The following HNRNPR variants were observed in gnomAD, a reference collection of about 807,000 sequenced individuals.
The protein encoded by HNRNPR is heterogeneous nuclear ribonucleoprotein R.
Under a neutral mutation model 70.3 loss-of-function variants are expected in HNRNPR, and 4 were observed. The ratio of observed to expected loss-of-function variants is 0.06; its 90% CI spans 0.03 to 0.13. HNRNPR has a LOEUF of 0.13. Among genes scored for constraint, HNRNPR ranks in the 10% least tolerant of loss-of-function variants. The probability of loss-of-function intolerance (pLI) is 1.00; values close to 1 mark genes in which losing one functional copy is unlikely to be tolerated. For synonymous variants in HNRNPR, 241 were observed against 267.6 expected, an observed-to-expected ratio of 0.90 and a Z score of 0.97; for missense variants, 423 against 788.5, an observed-to-expected ratio of 0.54 and a Z score of 5.55.
In HNRNPR at chr1:23,313,629, A is replaced by G; in HGVS notation, c.1091T>C (p.Phe364Ser). 1 of 1,604,320 alleles carries G rather than the reference A, an allele frequency of 6.2e-7. No homozygotes were observed. The highest frequency in any genetic ancestry group is 8.5e-7 in the Non-Finnish European group (1 of 1,177,464). Reference sequence around the variant, plus strand: ...CTTCTTTACTCTTTCGAGTTTTCCAAATTCAGAAAATGACTTTTCCAATAT... The same window carrying G: ...CTTCTTTACTCTTTCGAGTTTTCCAGATTCAGAAAATGACTTTTCCAATAT... ...EEILEKSFSE[F>S]GKLERVKKLK... The change falls in exon 9 of 11, where the codon TTT becomes TCT. Residue 364 changes from phenylalanine to serine, a missense_variant. This residue lies in a region of HNRNPR where 46 missense variants were observed against 164.6 expected (regional missense o/e 0.28). Transcript: ENST00000302271.
Position 23,310,144 on chromosome 1 carries a change from G to C in HNRNPR, c.*310C>G, listed in dbSNP as rs537885772. ...AAAATGAAACTGTCCAAAACCAAAGGTTCTGCAAAATCATGATTTAACAGT... is the reference window on the plus strand; with the variant it reads ...AAAATGAAACTGTCCAAAACCAAAGCTTCTGCAAAATCATGATTTAACAGT... On this transcript the variant is annotated 3_prime_UTR_variant, in exon 11 of 11. Coordinates refer to ENST00000302271, the MANE Select transcript of HNRNPR (RefSeq NM_005826.5). This position sits in a 1 kb window ranked among gnomAD's most constrained non-coding sequence, Gnocchi z 6.0. 1.9e-5 allele frequency: 4 copies of C among 215,776 alleles called. No individual in the cohort carries two copies. Among genetic ancestry groups the C allele is most frequent in the South Asian group, 1.4e-4 (1 of 7,242 alleles). 13.4% of individuals were successfully genotyped at this position (215,776 alleles called of 1,614,324 possible). A position where few individuals can be genotyped will look rare whatever the true frequency, so the allele number is the denominator to read the frequency against.
chr1:23,337,891 A>C, intron 3 of HNRNPR, 30 bp from the exon 4 acceptor site: 1 of 1,296,590 alleles, frequency 7.7e-7, no homozygotes, highest in Non-Finnish European at 1.1e-6. Context: ...CAATAAAAAG[A>C]ATCACCAAAA....
chr1:23,306,594 A>T lies in HNRNPR; in HGVS notation c.*3860T>A, dbSNP rs1204982607. On this transcript the variant is annotated 3_prime_UTR_variant, in exon 11 of 11. Coordinates refer to ENST00000302271, the MANE Select transcript of HNRNPR (RefSeq NM_005826.5). ...ACATCTGAAAATGATTAAAAAAACA[A>T]AAAAACAAAACAAAACAAAACAAAA... The T allele has an allele frequency of 6.6e-6, 1 of 152,052 alleles. No homozygotes were observed. The highest frequency in any genetic ancestry group is 1.9e-4 in the East Asian group (1 of 5,202). The allele number at this position is 152,052 out of a possible 1,614,324, so 9.4% of individuals were successfully genotyped here. A position where few individuals can be genotyped will look rare whatever the true frequency, so the allele number is the denominator to read the frequency against.
chr1:23,318,118 T>G lies in HNRNPR; in HGVS notation c.1017+365A>C, dbSNP rs1645621691. 6.6e-6 allele frequency among the ~76,000 whole-genome samples: 1 copy of G among 151,266 alleles called. No homozygotes were observed. Among genetic ancestry groups the G allele is most frequent in the Non-Finnish European group, 1.5e-5 (1 of 67,870 alleles). ...AAAGTCATAATATAGTCAATGAAGA[T>G]TATAACTTATAATCTCCAAAACATT... On this transcript the variant is annotated intron_variant, in intron 8 of 10. Coordinates refer to ENST00000302271, the MANE Select transcript of HNRNPR (RefSeq NM_005826.5). This position sits in a 1 kb window ranked among gnomAD's most constrained non-coding sequence, Gnocchi z 4.2.
intron 1 of HNRNPR, among the ~76,000 whole-genome samples, chr1:23,343,059 CTT>C (rs1021479623): frequency 6.6e-6 from 1 of 152,102 alleles, no homozygotes; most frequent in South Asian, 2.1e-4. Context: ...TTTGAAAAGA[CTT>C]TTTATGTCAT....
chr1:23,325,747 G>T (rs1016408597), intron 5 of HNRNPR, among the ~76,000 whole-genome samples: 24 of 152,080 alleles, frequency 1.6e-4, no homozygotes, highest in Non-Finnish European at 3.4e-4. Flanking sequence ...ATTTTGCTCA[G>T]TACCATCCTT....
chr1:23,317,900 A>T (rs1645612244), intron 8 of HNRNPR, among the ~76,000 whole-genome samples: 1 of 151,914 alleles, frequency 6.6e-6, no homozygotes, highest in Non-Finnish European at 1.5e-5. Flanking sequence ...GAATCGCTTG[A>T]ACCTGGGAGG....
intron 6 of HNRNPR, 89 bp downstream of exon 6, chr1:23,323,467 T>C: frequency 8.1e-7 from 1 of 1,242,006 alleles, no homozygotes; most frequent in East Asian, 2.3e-5. Context: ...ACTGAAGAAA[T>C]CAAAATAATG....
intron 8 of HNRNPR, among the ~76,000 whole-genome samples, chr1:23,315,767 GCTAT>G (rs751572548): frequency 1.3e-5 from 2 of 151,966 alleles, no homozygotes; most frequent in East Asian, 1.9e-4. Context: ...CAGATAAAGG[GCTAT>G]CTAATAAGAA....
intron 5 of HNRNPR, 104 bp from the exon 6 acceptor site, chr1:23,323,836 T>A (rs1645852353): frequency 1.2e-6 from 1 of 865,592 alleles, no homozygotes; most frequent in African/African-American, 1.7e-5. Context: ...AGAAGATGGT[T>A]AAGAAAGAAT....
chr1:23,310,011 C>G lies in HNRNPR; in HGVS notation c.*443G>C, dbSNP rs1645271179. The G allele has an allele frequency of 6.5e-6, 1 of 153,132 alleles. No homozygotes were observed. The highest frequency in any genetic ancestry group is 6.5e-5 in the Admixed American group (1 of 15,302). The allele number at this position is 153,132 out of a possible 1,614,324, so 9.5% of individuals were successfully genotyped here. A position where few individuals can be genotyped will look rare whatever the true frequency, so the allele number is the denominator to read the frequency against. ...ATAGGTTATTTTCAATACAAGAAAA[C>G]TTAAATTTGTTTGCTTTAATTTCTT... On this transcript the variant is annotated 3_prime_UTR_variant, in exon 11 of 11. Coordinates refer to ENST00000302271, the MANE Select transcript of HNRNPR (RefSeq NM_005826.5). This position sits in a 1 kb window ranked among gnomAD's most constrained non-coding sequence, Gnocchi z 6.0.
At chr1:23,334,972 C>T (rs1220731634) in intron 4 of HNRNPR, among the ~76,000 whole-genome samples, 1 of 151,890 alleles carries the variant, frequency 6.6e-6, no homozygotes, top group East Asian at 1.9e-4. Flanking sequence ...GGCTGGAGTG[C>T]AGTGGCGCGA....
chr1:23,342,626 TCTC>T (rs1432048841), intron 1 of HNRNPR, among the ~76,000 whole-genome samples: 4 of 152,210 alleles, frequency 2.6e-5, no homozygotes, highest in East Asian at 3.9e-4. Flanking sequence ...AAACACAAAA[TCTC>T]CTTGCGAACA....
At chr1:23,317,177 G>A (rs979812614) in intron 8 of HNRNPR, among the ~76,000 whole-genome samples, 6 of 152,100 alleles carry the variant, frequency 3.9e-5, no homozygotes, top group African/African-American at 1.4e-4. Flanking sequence ...GCAACTCTGA[G>A]GCCGGGCGCA....
intron 4 of HNRNPR, 100 bp downstream of exon 4, chr1:23,337,654 C>CAAAAAAA: frequency 3.2e-6 from 2 of 624,068 alleles, no homozygotes; most frequent in South Asian, 2.1e-5. Flanking sequence ...GACTCCGTCT[C>CAAAAAAA]AAAAAAAAAA....
intron 2 of HNRNPR, 69 bp from the exon 3 acceptor site, chr1:23,338,677 A>T (rs1314266479): frequency 1.5e-6 from 1 of 686,094 alleles, no homozygotes; most frequent in Non-Finnish European, 2.5e-6. Flanking sequence ...ACTGACGTTT[A>T]ATCAAGAATT....
At position 23,310,969 on chromosome 1, in the gene HNRNPR, C is replaced by T; in HGVS notation, c.1387G>A (p.Asp463Asn). ...TAGTAATCTTCATAGCCGTAGTAAT[C>T]TGGAGGGTAGCCATATCCACCTCTC... is the stretch of plus-strand genomic sequence containing the variant. The part of the protein sequence containing the change: ...GGRGGYGYPP[D>N]YYGYEDYYDD... The change falls in exon 11 of 11, where the codon GAT (aspartate) becomes AAT (asparagine). Residue 463 changes from aspartate to asparagine, a missense_variant. Transcript: ENST00000302271. The surrounding 1 kb of genome is among the most constrained non-coding windows in gnomAD (Gnocchi z 6.0). 1 of 1,614,160 alleles carries T rather than the reference C, an allele frequency of 6.2e-7. No homozygotes were observed. Among genetic ancestry groups the T allele is most frequent in the Non-Finnish European group, 8.5e-7 (1 of 1,180,034 alleles).
Position 23,310,496 on chromosome 1 carries a change from G to T in HNRNPR, c.1860C>A (p.Asn620Lys). The T allele has an allele frequency of 6.2e-7, 1 of 1,611,614 alleles. No individual in the cohort carries two copies. Among genetic ancestry groups the T allele is most frequent in the Non-Finnish European group, 8.5e-7 (1 of 1,179,068 alleles). The change falls in exon 11 of 11, where the codon AAC (asparagine) becomes AAA (lysine). Residue 620 changes from asparagine to lysine, a missense_variant. Around this residue, in one of 7 missense-constraint regions of HNRNPR, gnomAD observed 39 missense variants for 53.2 expected, o/e 0.73. Coordinates refer to ENST00000302271, the MANE Select transcript of HNRNPR (RefSeq NM_005826.5). This position sits in a 1 kb window ranked among gnomAD's most constrained non-coding sequence, Gnocchi z 6.0. The part of the protein sequence containing the change: ...YSGNYGYNND[N>K]QEFYQDTYGQ... ...CATAAGTATCCTGATAAAATTCCTG[G>T]TTGTCATTATTGTAACCATAGTTAC... is the stretch of plus-strand genomic sequence containing the variant.
intron 5 of HNRNPR, among the ~76,000 whole-genome samples, chr1:23,325,900 G>C (rs866297762): frequency 6.6e-6 from 1 of 151,950 alleles, no homozygotes; most frequent in African/African-American, 2.4e-5. Context: ...TCACCTTGTC[G>C]CCCAGGCTGC....
Sources: gnomAD v4.1 joint callset for allele counts (sites outside exome capture counted in the v4.1 genomes callset) on GRCh38, gnomAD v4.1.1 for gene constraint, gnomAD v4.1.1 regional missense constraint, Gnocchi (gnomAD v3.1) non-coding constraint, MANE v1.5 for transcripts, NCBI Gene and HGNC (gene_info 2026-07-23, HGNC 2026-07-21) for gene names.